FARP2: variants seen among roughly 807,000 people sequenced by gnomAD.
The protein encoded by FARP2 is FERM, ARHGEF and pleckstrin domain-containing protein 2.
Under a neutral mutation model 130.5 loss-of-function variants are expected in FARP2, and 111 were observed. The observed-to-expected ratio is 0.85, with a 90% confidence interval of 0.73 to 1.00. The LOEUF (loss-of-function observed/expected upper bound fraction) is 1.00. FARP2 is among the 50% of genes least tolerant of loss of function. The pLI, the probability that FARP2 is intolerant of heterozygous loss-of-function variation, is 0.00. For synonymous variants in FARP2, 504 were observed against 516.9 expected (o/e 0.98, Z 0.34); for missense variants, 1,385 against 1,346.3 (o/e 1.03, Z -0.45).
rs761475902 is a variant in FARP2, at chr2:241,441,515, C to T, written c.1370C>T (p.Ser457Leu). The change falls in exon 13 of 27, where the codon TCG (serine) becomes TTG (leucine). Residue 457 changes from serine to leucine, a missense_variant. Transcript: ENST00000264042. ...GTGGCTGGAGGCCCCGACACACCAT[C>T]GGCCCAGCCCCTCGGGCCCCCCGCA... ...GAVAGGPDTP[S>L]AQPLGPPALQ... 1.5e-5 allele frequency: 25 copies of T among 1,614,092 alleles called. No homozygotes were observed. Among genetic ancestry groups the T allele is most frequent in the South Asian group, 4.4e-5 (4 of 91,080 alleles).
At chr2:241,433,129 T>TA (rs56707238) in intron 9 of FARP2, among the ~76,000 whole-genome samples, 28,283 of 143,846 alleles carry the variant, frequency 0.2, 2,832 homozygotes, top group East Asian at 0.41. Context: ...ACTCTGTAAG[T>TA]AAAAAAAAAA....
chr2:241,484,157 T>A, intron 20 of FARP2, 85 bp from the exon 21 acceptor site: 1 of 1,587,706 alleles, frequency 6.3e-7, no homozygotes, highest in Non-Finnish European at 8.6e-7. Context: ...GATGTCCACA[T>A]GATGAGCAGC....
At chr2:241,449,202 G>A (rs556531967) in intron 13 of FARP2, among the ~76,000 whole-genome samples, 48 of 152,146 alleles carry the variant, frequency 3.2e-4, no homozygotes, top group African/African-American at 1.2e-3. Flanking sequence ...GCTCACGCCT[G>A]TAATCCCAGC....
chr2:241,359,284 AG>A (rs1344332594), intron 1 of FARP2, among the ~76,000 whole-genome samples: 2 of 152,208 alleles, frequency 1.3e-5, no homozygotes, highest in Non-Finnish European at 2.9e-5. Flanking sequence ...AAAAACAAAA[AG>A]GCCCTATAAT....
At chr2:241,426,586 T>C (rs554666151) in intron 8 of FARP2, among the ~76,000 whole-genome samples, 1 of 152,180 alleles carries the variant, frequency 6.6e-6, no homozygotes, top group South Asian at 2.1e-4. Context: ...TGCATGAGAG[T>C]AAATCCCAGA....
intron 24 of FARP2, among the ~76,000 whole-genome samples, chr2:241,492,345 T>C (rs921340857): frequency 1.3e-5 from 2 of 152,174 alleles, no homozygotes; most frequent in African/African-American, 4.8e-5. Context: ...CACCAGCTTA[T>C]GGCCAGTCCA....
chr2:241,361,314 T>C (rs2061181251), intron 1 of FARP2, among the ~76,000 whole-genome samples: 4 of 152,226 alleles, frequency 2.6e-5, no homozygotes, highest in Admixed American at 2.0e-4. Context: ...ATAGTATTTC[T>C]AGAAGGAATA....
At chr2:241,406,807 A>T (rs2062365545) in intron 4 of FARP2, among the ~76,000 whole-genome samples, 1 of 150,996 alleles carries the variant, frequency 6.6e-6, no homozygotes, top group African/African-American at 2.4e-5. Context: ...GTTTTTATTT[A>T]TTTATTTATT....
At chr2:241,418,146 A>T in intron 8 of FARP2, 37 bp downstream of exon 8, 1 of 1,611,472 alleles carries the variant, frequency 6.2e-7, no homozygotes, top group Non-Finnish European at 8.5e-7. Context: ...AGAACAGGGC[A>T]GGGGAGGTTT....
intron 22 of FARP2, among the ~76,000 whole-genome samples, chr2:241,490,716 C>G (rs988874123): frequency 1.3e-5 from 2 of 152,238 alleles, no homozygotes; most frequent in African/African-American, 4.8e-5. Context: ...CCAGGAAATG[C>G]TCACTTAATC....
rs2063382918 is a variant in FARP2, at chr2:241,441,509, C to T, written c.1364C>T (p.Thr455Ile). Residue 455 changes from threonine to isoleucine, a missense_variant, in exon 13 of 27, where the codon ACA (threonine) becomes ATA (isoleucine). By Grantham distance (89) the Thr-to-Ile change is moderately conservative. Transcript: ENST00000264042. The part of the protein sequence containing the change: ...RSGAVAGGPD[T>I]PSAQPLGPPA... ...GGAGCAGTGGCTGGAGGCCCCGACA[C>T]ACCATCGGCCCAGCCCCTCGGGCCC... is the stretch of plus-strand genomic sequence containing the variant. 6.2e-7 allele frequency: 1 copy of T among 1,614,102 alleles called. No individual in the cohort carries two copies. Among genetic ancestry groups the T allele is most frequent in the South Asian group, 1.1e-5 (1 of 91,080 alleles).
intron 19 of FARP2, among the ~76,000 whole-genome samples, chr2:241,476,885 A>G (rs1366122984): frequency 1.3e-5 from 2 of 151,974 alleles, no homozygotes; most frequent in Non-Finnish European, 2.9e-5. Flanking sequence ...TCCCATCACT[A>G]TTTTGAAGGG....
chr2:241,411,849 A>T (rs1386260965), intron 6 of FARP2, among the ~76,000 whole-genome samples: 1 of 152,224 alleles, frequency 6.6e-6, no homozygotes, highest in Non-Finnish European at 1.5e-5. Flanking sequence ...TTCCCCAGAC[A>T]TACCTTCTTC....
chr2:241,362,009 C>G (rs2061198821), intron 1 of FARP2, among the ~76,000 whole-genome samples: 1 of 151,952 alleles, frequency 6.6e-6, no homozygotes, highest in African/African-American at 2.4e-5. Context: ...ATTCTCCTGC[C>G]TCAGTCTCCC....
At chr2:241,491,218 C>T (rs1482129675) in intron 23 of FARP2, 39 bp downstream of exon 23, 1 of 1,432,586 alleles carries the variant, frequency 7.0e-7, no homozygotes, top group African/African-American at 1.4e-5. Context: ...ACCTCCACTA[C>T]ACCTAAGGAG....
In FARP2 at chr2:241,465,605, T is replaced by C. The variant is rs563867490; in HGVS notation, c.1893+1625T>C. 20 of 1,550,690 alleles carry C rather than the reference T, an allele frequency of 1.3e-5. No homozygotes were observed. The East Asian group carries it at 4.4e-4, about 34-fold the overall frequency. On this transcript the variant is annotated intron_variant, in intron 17 of 26. Transcript: ENST00000264042. ...GTTCACATGTGGACAACAGTGCAGGTCGTGCATTGACTGTTCAGGGGTCTC... is the reference window on the plus strand; with the variant it reads ...GTTCACATGTGGACAACAGTGCAGGCCGTGCATTGACTGTTCAGGGGTCTC...
chr2:241,456,988 C>T lies in FARP2; in HGVS notation c.1587+66C>T, dbSNP rs967017410. On this transcript the variant is annotated intron_variant, in intron 14 of 26. Transcript: ENST00000264042. ...GGTGGGCCTGTTTTCACTGTTCCTT[C>T]GGGTGGTGCTGGTGGGGACCCTGGG... The T allele has an allele frequency of 1.6e-5, 23 of 1,415,566 alleles. 1 individual carries two copies. The highest frequency in any genetic ancestry group is 2.6e-5 in the Admixed American group (1 of 38,580). 87.7% of individuals were successfully genotyped at this position (1,415,566 alleles called of 1,614,324 possible). A position where few individuals can be genotyped will look rare whatever the true frequency, so the allele number is the denominator to read the frequency against.
intron 6 of FARP2, 57 bp from the exon 7 acceptor site, chr2:241,413,250 C>A: frequency 9.5e-7 from 1 of 1,049,936 alleles, no homozygotes; most frequent in Non-Finnish European, 1.4e-6. Flanking sequence ...TGCAATGACA[C>A]ATACAAATGC....
chr2:241,369,053 G>A lies in FARP2; in HGVS notation c.-24-4031G>A, dbSNP rs2061372055. 2.0e-5 allele frequency among the ~76,000 whole-genome samples: 3 copies of A among 152,126 alleles called. No homozygotes were observed. In the South Asian group the frequency reaches 6.2e-4, roughly 32 times the overall value. ...TCATGAACAAGGGTATCTTGTTGTG[G>A]CCCTGCATCTCAGCTGCAGCCATGT... is the stretch of plus-strand genomic sequence containing the variant. On this transcript the variant is annotated intron_variant, in intron 1 of 26. Coordinates refer to ENST00000264042, the MANE Select transcript of FARP2 (RefSeq NM_014808.4).
Sources: allele counts gnomAD v4.1 joint callset (sites outside exome capture counted in the v4.1 genomes callset), GRCh38; gene constraint gnomAD v4.1.1; transcripts MANE v1.5; gene names NCBI Gene and HGNC (gene_info 2026-07-23, HGNC 2026-07-21).